The following INKA2 variants were observed in gnomAD, a reference collection of about 807,000 sequenced individuals.
INKA2 encodes PAK4-inhibitor INKA2.
In INKA2, 3 loss-of-function variants were observed where a neutral mutation model predicts 9.8. That is an observed-to-expected ratio of 0.31 (90% CI 0.14 to 0.79). The LOEUF is 0.79. Ranked by LOEUF, INKA2 falls within the 30% of genes least tolerant of loss-of-function variation. INKA2 has a pLI of 0.62. For missense variants in INKA2, 392 were observed against 384.4 expected (o/e 1.02, Z -0.17); for synonymous variants, 147 against 143.3 (o/e 1.03, Z -0.18).
chr1:111,755,196 G>A, intron 1 of INKA2: 1 of 137,032 alleles, frequency 7.3e-6, no homozygotes, highest in South Asian at 1.9e-4. Flanking sequence ...GGAGGCAGAT[G>A]GATGCACACG....
upstream of INKA2, among the ~76,000 whole-genome samples, chr1:111,741,459 G>C (rs994766535): frequency 1.3e-5 from 2 of 152,210 alleles, no homozygotes; most frequent in Non-Finnish European, 2.9e-5. Flanking sequence ...CAGATGTTCA[G>C]AGTGAGAGCT....
chr1:111,730,010 A>T (rs754842589), intron 1 of INKA2, among the ~76,000 whole-genome samples: 2 of 152,242 alleles, frequency 1.3e-5, no homozygotes, highest in Non-Finnish European at 2.9e-5. Flanking sequence ...CCAGGCCCTG[A>T]CAGCCCTGGG....
intron 1 of INKA2, among the ~76,000 whole-genome samples, chr1:111,738,191 A>G (rs1663046924): frequency 6.6e-6 from 1 of 152,250 alleles, no homozygotes; most frequent in Non-Finnish European, 1.5e-5. Context: ...AAGACACAAC[A>G]GAGAGCCTAG....
In INKA2 at chr1:111,726,914, C is replaced by G; in HGVS notation, c.*54G>C. The G allele has an allele frequency of 6.5e-7, 1 of 1,535,934 alleles. No individual in the cohort carries two copies. Among genetic ancestry groups the G allele is most frequent in the Non-Finnish European group, 8.9e-7 (1 of 1,126,952 alleles). On this transcript the variant is annotated 3_prime_UTR_variant, in exon 2 of 2. Transcript: ENST00000357260. ...GCCCACCCTCCCTCCTCCCCAGGGG[C>G]CCAGCACTGGGACCTGGCCCTTTCA...
rs115826458 is a variant in INKA2, at chr1:111,730,732, A to G, written c.58-2928T>C. Among the ~76,000 whole-genome samples, 769 of 152,304 alleles carry G rather than the reference A, an allele frequency of 5.0e-3. 2 individuals are homozygous for G. Among genetic ancestry groups the G allele is most frequent in the Non-Finnish European group, 8.6e-3 (583 of 68,030 alleles). Reference sequence around the variant, plus strand: ...CACCTCATGTCCTCTATGCATTTAAATGCTCAGTCCCTTGTGAAATATGTA... The same window carrying G: ...CACCTCATGTCCTCTATGCATTTAAGTGCTCAGTCCCTTGTGAAATATGTA... On this transcript the variant is annotated intron_variant, in intron 1 of 1. Coordinates refer to ENST00000357260, the MANE Select transcript of INKA2 (RefSeq NM_019099.5).
rs916196949 is a variant in INKA2 at position 111,739,272 on chromosome 1, G to C, written c.-30C>G. ...CCATTTGTCGGGTTCGGTTCAAACA[G>C]AGAGGGCCCGGGTGAAACCCCGGCC... On this transcript the variant is annotated 5_prime_UTR_variant, in exon 1 of 2. Transcript: ENST00000357260. The C allele has an allele frequency of 6.2e-7, 1 of 1,613,266 alleles. No individual in the cohort carries two copies.
chr1:111,739,104 G>T, intron 1 of INKA2, 82 bp downstream of exon 1: 2 of 1,387,350 alleles, frequency 1.4e-6, no homozygotes, highest in South Asian at 1.2e-5. Context: ...TTACGTCCCG[G>T]CTCCCCGGGG....
intron 1 of INKA2, among the ~76,000 whole-genome samples, chr1:111,749,440 G>C (rs1228641968): frequency 7.5e-5 from 11 of 146,654 alleles, no homozygotes; most frequent in African/African-American, 2.6e-4. Context: ...GTGTGTGTGT[G>C]TGTGTGCGCG....
intron 1 of INKA2, chr1:111,746,529 G>A (rs1167371408): frequency 6.6e-6 from 1 of 152,186 alleles, no homozygotes; most frequent in African/African-American, 2.4e-5. Context: ...TGCCTGGAGG[G>A]TTTTGGAAAT....
intron 1 of INKA2, among the ~76,000 whole-genome samples, chr1:111,752,583 G>C (rs148462375): frequency 1.3e-5 from 2 of 152,190 alleles, no homozygotes; most frequent in African/African-American, 4.8e-5. Flanking sequence ...ATGAGAAAAA[G>C]TGGCTTTAAA....
At chr1:111,751,820 G>T (rs1191818437) in intron 1 of INKA2, among the ~76,000 whole-genome samples, 2 of 152,210 alleles carry the variant, frequency 1.3e-5, no homozygotes, top group Non-Finnish European at 2.9e-5. Context: ...ATGCTAGGAA[G>T]ATGTGGCAGA....
At position 111,724,929 on chromosome 1, in the gene INKA2, T is replaced by G. The variant is rs1417716415; in HGVS notation, c.*2039A>C. The G allele has an allele frequency of 6.6e-6, 1 of 152,026 alleles. No individual in the cohort carries two copies. Among genetic ancestry groups the G allele is most frequent in the Non-Finnish European group, 1.5e-5 (1 of 67,994 alleles). 9.4% of individuals were successfully genotyped at this position (152,026 alleles called of 1,614,324 possible). On this transcript the variant is annotated 3_prime_UTR_variant, in exon 2 of 2. Transcript: ENST00000357260. The stretch of plus-strand genomic sequence containing the variant: ...GTCTGGAGAACAATGCCTTCTAGGG[T>G]CCTTCTAAGTTTGAGAGATGTGCAC...
chr1:111,729,272 G>A (rs1489113701), intron 1 of INKA2, among the ~76,000 whole-genome samples: 1 of 152,182 alleles, frequency 6.6e-6, no homozygotes, highest in Non-Finnish European at 1.5e-5. Context: ...AAAACCCAGC[G>A]CTTCTCAGCC....
At chr1:111,741,335 G>A (rs1286627895), upstream of INKA2, among the ~76,000 whole-genome samples, 3 of 152,190 alleles carry the variant, frequency 2.0e-5, no homozygotes, top group Non-Finnish European at 4.4e-5. Context: ...GTCGGTGACC[G>A]CTGGCCAAGC....
chr1:111,746,275 A>G (rs184193069), intron 1 of INKA2: 1 of 152,318 alleles, frequency 6.6e-6, no homozygotes, highest in African/African-American at 2.4e-5. Flanking sequence ...CCAAGAGAAG[A>G]CCTCAAATTC....
At chr1:111,749,348 G>C (rs1663344500) in intron 1 of INKA2, among the ~76,000 whole-genome samples, 1 of 152,184 alleles carries the variant, frequency 6.6e-6, no homozygotes, top group Non-Finnish European at 1.5e-5. Flanking sequence ...GCAGTGACAA[G>C]AGGAGATGCC....
chr1:111,741,714 T>C (rs951562552), upstream of INKA2, among the ~76,000 whole-genome samples: 3 of 152,122 alleles, frequency 2.0e-5, no homozygotes, highest in South Asian at 2.1e-4. Context: ...GTGGCTGAAA[T>C]AGTGTTTTTG....
chr1:111,740,117 G>A (rs1318319515), upstream of INKA2: 1 of 152,328 alleles, frequency 6.6e-6, no homozygotes, highest in Admixed American at 6.5e-5. Flanking sequence ...GGTAATTTCA[G>A]ACAATGATTT....
At chr1:111,739,073 C>T (rs750759810) in intron 1 of INKA2, 113 bp downstream of exon 1, 2 of 1,030,866 alleles carry the variant, frequency 1.9e-6, no homozygotes, top group East Asian at 2.5e-5. Context: ...TCCTCTCTTC[C>T]CTGGCCCTCC....
Sources: gnomAD v4.1 joint callset for allele counts (sites outside exome capture counted in the v4.1 genomes callset) on GRCh38, gnomAD v4.1.1 for gene constraint, MANE v1.5 for transcripts, NCBI Gene and HGNC (gene_info 2026-07-23, HGNC 2026-07-21) for gene names.